DLG2: variants seen among roughly 807,000 people sequenced by gnomAD.
DLG2 encodes the protein discs large MAGUK scaffold protein 2.
In DLG2, 45 loss-of-function variants were observed where a neutral mutation model predicts 132.5. That is an observed-to-expected ratio of 0.34 (90% confidence interval 0.27 to 0.44). DLG2 has a LOEUF of 0.44. Ranked by LOEUF, DLG2 falls within the 20% of genes least tolerant of loss-of-function variation. The pLI, the probability that DLG2 is intolerant of heterozygous loss-of-function variation, is 1.00. For synonymous variants in DLG2, 424 were observed against 419.6 expected (o/e 1.01, Z -0.13); for missense variants, 1,045 against 1,196.9 (o/e 0.87, Z 1.87).
intron 6 of DLG2, among the ~76,000 whole-genome samples, chr11:84,536,133 A>G (rs1182120903): frequency 6.6e-6 from 1 of 152,094 alleles, no homozygotes; most frequent in Non-Finnish European, 1.5e-5. Context: ...GTCCCAAGTA[A>G]TATCTCTCTC....
chr11:83,514,011 G>A (rs1372279395), intron 21 of DLG2, among the ~76,000 whole-genome samples: 3 of 152,086 alleles, frequency 2.0e-5, no homozygotes, highest in Non-Finnish European at 2.9e-5. Context: ...TGGCAATGCG[G>A]GCTCTTTTTT....
chr11:85,073,917 T>TA (rs879596095), intron 6 of DLG2, among the ~76,000 whole-genome samples: 2 of 151,878 alleles, frequency 1.3e-5, no homozygotes, highest in South Asian at 2.1e-4. Flanking sequence ...TATGCAGCCA[T>TA]AAAAAAGAAC....
At chr11:84,273,974 T>A (rs1199148481) in intron 7 of DLG2, among the ~76,000 whole-genome samples, 1 of 152,128 alleles carries the variant, frequency 6.6e-6, no homozygotes, top group African/African-American at 2.4e-5. Flanking sequence ...TGAAGAAAAG[T>A]CACTTTTATT....
intron 5 of DLG2, among the ~76,000 whole-genome samples, chr11:85,120,379 C>T (rs1469345591): frequency 2.0e-5 from 3 of 151,986 alleles, no homozygotes; most frequent in Non-Finnish European, 4.4e-5. Context: ...TGTATTAATT[C>T]AGGACAGTTT....
At chr11:84,828,062 T>C (rs191229133) in intron 6 of DLG2, among the ~76,000 whole-genome samples, 5 of 152,032 alleles carry the variant, frequency 3.3e-5, no homozygotes, top group Admixed American at 2.6e-4. Context: ...TAGACAACTT[T>C]TGACATGGCG....
intron 7 of DLG2, among the ~76,000 whole-genome samples, chr11:84,479,597 C>G (rs191291972): frequency 1.2e-3 from 177 of 151,996 alleles, no homozygotes; most frequent in African/African-American, 4.2e-3. Context: ...AAATATAATC[C>G]CTTACAAATT....
chr11:84,586,165 A>AG (rs1565376507), intron 6 of DLG2, among the ~76,000 whole-genome samples: 2 of 104,774 alleles, frequency 1.9e-5, no homozygotes, highest in East Asian at 2.2e-4. Context: ...AAAAAAAAAA[A>AG]GGGTTTGTAA....
intron 3 of DLG2, among the ~76,000 whole-genome samples, chr11:85,333,611 C>T (rs952778666): frequency 1.3e-5 from 2 of 151,404 alleles, no homozygotes; most frequent in Admixed American, 1.3e-4. Context: ...CCTTTGATGC[C>T]TATTTGTTAA....
intron 4 of DLG2, among the ~76,000 whole-genome samples, chr11:85,206,858 T>A (rs1044168439): frequency 1.3e-5 from 2 of 152,082 alleles, no homozygotes; most frequent in Non-Finnish European, 2.9e-5. Flanking sequence ...CGCATATCTT[T>A]TTTTTTAATT....
intron 18 of DLG2, among the ~76,000 whole-genome samples, chr11:83,768,879 G>A (rs1261345056): frequency 1.3e-5 from 2 of 152,186 alleles, no homozygotes; most frequent in African/African-American, 4.8e-5. Flanking sequence ...GAGATATGGT[G>A]TTTCAAATGG....
chr11:84,270,763 TCTC>T (rs2097710546), intron 7 of DLG2, among the ~76,000 whole-genome samples: 1 of 152,194 alleles, frequency 6.6e-6, no homozygotes, highest in Admixed American at 6.5e-5. Flanking sequence ...TCAGGTCAAT[TCTC>T]CTAAGATTAA....
At chr11:84,426,436 G>A (rs2098966833) in intron 7 of DLG2, among the ~76,000 whole-genome samples, 1 of 152,082 alleles carries the variant, frequency 6.6e-6, no homozygotes, top group Non-Finnish European at 1.5e-5. Context: ...CTGGCATTAG[G>A]ACATGCTAAC....
intron 3 of DLG2, among the ~76,000 whole-genome samples, chr11:85,491,776 T>C (rs974456042): frequency 6.6e-6 from 1 of 152,118 alleles, no homozygotes; most frequent in Admixed American, 6.5e-5. Flanking sequence ...AGATATCCTA[T>C]GTTCATGAAT....
At chr11:85,314,497 T>C (rs530435635) in intron 3 of DLG2, among the ~76,000 whole-genome samples, 3 of 151,882 alleles carry the variant, frequency 2.0e-5, no homozygotes, top group African/African-American at 7.2e-5. Context: ...CACATATACA[T>C]ATAATATATA....
chr11:85,180,924 A>G (rs1697395738), intron 4 of DLG2, among the ~76,000 whole-genome samples: 1 of 151,832 alleles, frequency 6.6e-6, no homozygotes, highest in Non-Finnish European at 1.5e-5. Flanking sequence ...TAGAGCCAGT[A>G]TTCTAATTTG....
intron 6 of DLG2, among the ~76,000 whole-genome samples, chr11:84,611,939 A>G (rs1162635042): frequency 2.0e-5 from 3 of 152,168 alleles, no homozygotes; most frequent in African/African-American, 4.8e-5. Context: ...ATCATTTTTT[A>G]CAACTATTTT....
At chr11:85,023,194 A>T (rs1236315525) in intron 6 of DLG2, among the ~76,000 whole-genome samples, 1 of 152,070 alleles carries the variant, frequency 6.6e-6, no homozygotes, top group Non-Finnish European at 1.5e-5. Flanking sequence ...AGTCCCTAAA[A>T]ATCTTAGAAT....
chr11:83,467,332 C>G (rs998229634), intron 25 of DLG2, among the ~76,000 whole-genome samples: 4 of 152,172 alleles, frequency 2.6e-5, no homozygotes, highest in African/African-American at 7.2e-5. Context: ...ACCTCATTGT[C>G]TCACCCTGCC....
chr11:83,861,526 A>G (rs1166668016), intron 16 of DLG2, among the ~76,000 whole-genome samples: 1 of 152,230 alleles, frequency 6.6e-6, no homozygotes, highest in Non-Finnish European at 1.5e-5. Flanking sequence ...GTATGTATAC[A>G]CAATGGAGCC....
Sources: allele counts gnomAD v4.1 joint callset (sites outside exome capture counted in the v4.1 genomes callset), GRCh38; gene constraint gnomAD v4.1.1; transcripts MANE v1.5; gene names NCBI Gene and HGNC (gene_info 2026-07-23, HGNC 2026-07-21).